OC90: variants seen among roughly 807,000 people sequenced by gnomAD.
The protein encoded by OC90 is otoconin 90, also known as otoconin-90.
A neutral mutation model predicts 47.3 loss-of-function variants in OC90; 46 were observed. The ratio of observed to expected loss-of-function variants is 0.97; its 90% CI spans 0.77 to 1.24. The LOEUF is 1.24. Among genes scored for constraint, OC90 ranks in the 50% most tolerant of loss-of-function variants. The pLI is 0.00. For synonymous variants in OC90, 271 were observed against 219.5 expected (o/e 1.23, Z -2.07); for missense variants, 688 against 583.9 (o/e 1.18, Z -1.84).
chr8:132,025,299 TAACA>T (rs1056035858), intron 13 of OC90, among the ~76,000 whole-genome samples: 10 of 152,220 alleles, frequency 6.6e-5, no homozygotes, highest in Admixed American at 4.6e-4. Flanking sequence ...GAAAATTTCC[TAACA>T]AACAAGAGAT....
chr8:132,037,515 G>T, intron 8 of OC90, 27 bp from the exon 9 acceptor site: 2 of 1,560,242 alleles, frequency 1.3e-6, no homozygotes, highest in Non-Finnish European at 8.7e-7. Flanking sequence ...CCCAATAGCA[G>T]TGACTCATGC....
rs985534948 is a variant in OC90, at chr8:132,044,604, T to G, written c.113-115A>C. 6 of 662,236 alleles carry G rather than the reference T, an allele frequency of 9.1e-6. 1 individual carries two copies. The highest frequency in any genetic ancestry group is 7.3e-5 in the African/African-American group (4 of 54,984). 41.0% of individuals were successfully genotyped at this position (662,236 alleles called of 1,614,324 possible). A position where few individuals can be genotyped will look rare whatever the true frequency, so the allele number is the denominator to read the frequency against. ...CTTTCTTCATTCTCCAAAGAAAAAA[T>G]TGACCTTGGGCTAAGCTAGCTTTCT... On this transcript the variant is annotated intron_variant, in intron 3 of 13. Coordinates refer to ENST00000254627, the MANE Select transcript of OC90 (RefSeq NM_001080399.3).
intron 1 of OC90, among the ~76,000 whole-genome samples, chr8:132,055,743 T>G (rs1382066537): frequency 6.6e-5 from 10 of 152,110 alleles, no homozygotes; most frequent in Admixed American, 6.6e-4. Context: ...CAATAGATAC[T>G]CCTCGGAGGA....
chr8:132,035,440 A>T (rs1296102099), intron 9 of OC90, among the ~76,000 whole-genome samples: 3 of 152,198 alleles, frequency 2.0e-5, no homozygotes, highest in Admixed American at 2.0e-4. Context: ...TCACAGAGCT[A>T]GGAGGCGGCT....
Position 132,028,724 on chromosome 8 carries a change from G to GAAAGAGAA in OC90, c.1138+348_1138+349insTTCTCTTT, listed in dbSNP as rs564164299. Among the ~76,000 whole-genome samples the GAAAGAGAA allele has an allele frequency of 2.0e-3, 256 of 128,944 alleles. 5 individuals are homozygous for GAAAGAGAA. The highest frequency in any genetic ancestry group is 6.8e-3 in the African/African-American group (231 of 33,812). 84.6% of individuals were successfully genotyped at this position (128,944 alleles called of 152,430 possible). A position where few individuals can be genotyped will look rare whatever the true frequency, so the allele number is the denominator to read the frequency against. ...AGAGAGACAGAAAGAAAGAAAGAAA[G>GAAAGAGAA]AGAAAGAAAGAAAGGAAGGAAGAAA... On this transcript the variant is annotated intron_variant, in intron 13 of 13. Transcript: ENST00000254627.
chr8:132,047,897 G>A (rs1219300761), intron 2 of OC90, among the ~76,000 whole-genome samples: 1 of 152,196 alleles, frequency 6.6e-6, no homozygotes. Flanking sequence ...ACCTCAAGGT[G>A]ATGGTATTAG....
intron 2 of OC90, among the ~76,000 whole-genome samples, chr8:132,051,402 G>C (rs560709278): frequency 6.6e-6 from 1 of 152,076 alleles, no homozygotes; most frequent in Non-Finnish European, 1.5e-5. Flanking sequence ...TTATTCCTAG[G>C]CTAATGAGAC....
chr8:132,039,556 C>A (rs531108628), intron 6 of OC90, among the ~76,000 whole-genome samples: 1 of 152,128 alleles, frequency 6.6e-6, no homozygotes, highest in African/African-American at 2.4e-5. Flanking sequence ...CTGTTCAGAA[C>A]GTCCCAGCGT....
Position 132,038,796 on chromosome 8 carries a change from G to A in OC90, c.622C>T (p.Pro208Ser). 1 of 1,613,672 alleles carries A rather than the reference G, an allele frequency of 6.2e-7. No individual in the cohort carries two copies. The highest frequency in any genetic ancestry group is 8.5e-7 in the Non-Finnish European group (1 of 1,179,700). The change falls in exon 8 of 14, where the codon CCC (proline) becomes TCC (serine). Residue 208 changes from proline to serine, a missense_variant. Pro to Ser is a moderately conservative substitution (Grantham distance 74). Coordinates refer to ENST00000254627, the MANE Select transcript of OC90 (RefSeq NM_001080399.3). ...TIKEDLTTLL[P>S]RVVPVEPTDT... Reference sequence around the variant, plus strand: ...CAACCCTGGGAGGCCTTACCTCTGGGCAGAAGTGTTGTCAAGTCTTCCTTG... The same window carrying A: ...CAACCCTGGGAGGCCTTACCTCTGGACAGAAGTGTTGTCAAGTCTTCCTTG...
At chr8:132,057,459 CT>C in intron 1 of OC90, among the ~76,000 whole-genome samples, 1 of 152,232 alleles carries the variant, frequency 6.6e-6, no homozygotes, top group East Asian at 1.9e-4. Flanking sequence ...ATAATTTTGA[CT>C]ATGCTCTAAT....
rs761550943 is a variant in OC90 at position 132,024,748 on chromosome 8, C to A, written c.1167G>T (p.Leu389Phe). The A allele has an allele frequency of 1.2e-6, 2 of 1,613,574 alleles. No individual in the cohort carries two copies. The highest frequency in any genetic ancestry group is 1.3e-5 in the African/African-American group (1 of 75,056). Residue 389 changes from leucine (L) to phenylalanine (F), a missense_variant, in exon 14 of 14, where the codon TTG (leucine) becomes TTT (phenylalanine). By Grantham distance (22) the Leu-to-Phe change is conservative. Coordinates refer to ENST00000254627, the MANE Select transcript of OC90 (RefSeq NM_001080399.3). ...CTGCCGTCTGGTCACAGGCACAGAG[C>A]AACTTCTCACACAGGCTTTGGCCCC... The part of the protein sequence containing the change: ...KCGGQSLCEK[L>F]LCACDQTAAE...
chr8:132,028,631 A>C (rs1409828388), intron 13 of OC90, among the ~76,000 whole-genome samples: 4 of 117,302 alleles, frequency 3.4e-5, no homozygotes, highest in Non-Finnish European at 7.3e-5. Context: ...GGAAGGAAGG[A>C]AGGAAAGAAA....
chr8:132,027,073 C>T (rs572823794), intron 13 of OC90, among the ~76,000 whole-genome samples: 1 of 152,288 alleles, frequency 6.6e-6, no homozygotes, highest in East Asian at 1.9e-4. Context: ...TCTCATCTCA[C>T]ACCTCTCTTG....
intron 1 of OC90, among the ~76,000 whole-genome samples, chr8:132,057,932 G>T (rs938065737): frequency 7.9e-5 from 12 of 152,248 alleles, no homozygotes; most frequent in Non-Finnish European, 1.6e-4. Context: ...AGTCTGACTT[G>T]TTCTGGCTCC....
intron 2 of OC90, among the ~76,000 whole-genome samples, chr8:132,046,576 G>A (rs1204507375): frequency 6.6e-6 from 1 of 152,184 alleles, no homozygotes; most frequent in African/African-American, 2.4e-5. Context: ...TGAAGATGCA[G>A]CCTGGGCTAA....
chr8:132,029,999 C>T (rs571207048), intron 12 of OC90, among the ~76,000 whole-genome samples: 424 of 152,308 alleles, frequency 2.8e-3, no homozygotes, highest in Non-Finnish European at 4.6e-3. Context: ...CACCTCTTCT[C>T]AACCAATTAT....
chr8:132,058,420 C>T (rs1823302679), intron 1 of OC90, among the ~76,000 whole-genome samples: 1 of 152,274 alleles, frequency 6.6e-6, no homozygotes, highest in Non-Finnish European at 1.5e-5. Context: ...CCCGAAGCCT[C>T]GCCTTGGTCT....
At chr8:132,029,280 G>C (rs983088266) in intron 12 of OC90, 101 bp from the exon 13 acceptor site, 3 of 872,138 alleles carry the variant, frequency 3.4e-6, no homozygotes, top group Non-Finnish European at 1.9e-6. Flanking sequence ...AGTAGTGAGG[G>C]AAGCCAGTGC....
At chr8:132,058,794 A>G (rs971064972) in intron 1 of OC90, among the ~76,000 whole-genome samples, 3 of 152,110 alleles carry the variant, frequency 2.0e-5, no homozygotes, top group East Asian at 1.9e-4. Flanking sequence ...GGGCGGGGTC[A>G]TTGCCCAGGG....
Sources: gnomAD v4.1 joint callset for allele counts (sites outside exome capture counted in the v4.1 genomes callset) on GRCh38, gnomAD v4.1.1 for gene constraint, MANE v1.5 for transcripts, NCBI Gene and HGNC (gene_info 2026-07-23, HGNC 2026-07-21) for gene names.